Variants in SGMS1 observed in about 807,000 individuals in gnomAD.
SGMS1 encodes sphingomyelin synthase 1.
Under a neutral mutation model 46.2 loss-of-function variants are expected in SGMS1, and 13 were observed. The ratio of observed to expected loss-of-function variants is 0.28; its 90% CI spans 0.18 to 0.45. SGMS1 has a LOEUF of 0.45. SGMS1 is among the 20% of genes least tolerant of loss of function. The probability of loss-of-function intolerance (pLI) is 1.00; values close to 1 mark genes in which losing one functional copy is unlikely to be tolerated. For missense variants in SGMS1, 324 were observed against 519.9 expected (o/e 0.62, Z 3.66); for synonymous variants, 203 against 187.8 (o/e 1.08, Z -0.66).
intron 2 of SGMS1, among the ~76,000 whole-genome samples, chr10:50,525,343 G>A (rs901052478): frequency 6.6e-6 from 1 of 152,148 alleles, no homozygotes. Flanking sequence ...GATTGTGAAG[G>A]TGGGTGTAAA....
chr10:50,333,251 T>C (rs950664194), intron 7 of SGMS1, among the ~76,000 whole-genome samples: 6 of 152,210 alleles, frequency 3.9e-5, no homozygotes, highest in Non-Finnish European at 5.9e-5. Flanking sequence ...TGATGGTACC[T>C]GTAATATGAC....
intron 2 of SGMS1, among the ~76,000 whole-genome samples, chr10:50,565,596 A>G (rs142167992): frequency 3.9e-5 from 6 of 152,322 alleles, no homozygotes; most frequent in African/African-American, 1.4e-4. Flanking sequence ...TAAGCAACAT[A>G]TACGCTCTGA....
chr10:50,436,600 C>T (rs1249620175), intron 5 of SGMS1, among the ~76,000 whole-genome samples: 2 of 152,190 alleles, frequency 1.3e-5, no homozygotes, highest in African/African-American at 4.8e-5. Context: ...ACTTCCTAAT[C>T]GTGCTTCAAA....
At chr10:50,520,599 C>G (rs942728665) in intron 2 of SGMS1, among the ~76,000 whole-genome samples, 1 of 152,154 alleles carries the variant, frequency 6.6e-6, no homozygotes, top group Non-Finnish European at 1.5e-5. Flanking sequence ...GAAATCAGTG[C>G]CCAGCTCTAC....
chr10:50,337,132 G>A (rs1030100874), intron 7 of SGMS1, among the ~76,000 whole-genome samples: 12 of 152,218 alleles, frequency 7.9e-5, no homozygotes, highest in African/African-American at 2.9e-4. Flanking sequence ...TAATATGAGG[G>A]AATTTTGTCC....
rs1292319314 is a variant in SGMS1 at position 50,375,191 on chromosome 10, G to A, written c.-231-30846C>T. Among the ~76,000 whole-genome samples, 8 of 152,288 alleles carry A rather than the reference G, an allele frequency of 5.3e-5. No individual in the cohort carries two copies. In the East Asian group the frequency reaches 1.5e-3, roughly 29 times the overall value. On this transcript the variant is annotated intron_variant, in intron 6 of 10. Transcript: ENST00000361781. ...GGAGAACAGGTTTGGTGGCTGTCTT[G>A]AGGGACTGGTGATGACTACAACATA...
intron 5 of SGMS1, 48 bp from the exon 6 acceptor site, chr10:50,433,604 C>G (rs1295437799): frequency 6.6e-6 from 1 of 152,276 alleles, no homozygotes; most frequent in East Asian, 1.9e-4. Flanking sequence ...TCAGAAAGGC[C>G]ATTTCTTGAT....
intron 6 of SGMS1, among the ~76,000 whole-genome samples, chr10:50,415,422 T>C (rs1849156970): frequency 6.6e-6 from 1 of 152,146 alleles, no homozygotes; most frequent in Non-Finnish European, 1.5e-5. Flanking sequence ...CTTCCCCCTC[T>C]CCATGACTTT....
At chr10:50,526,984 G>A (rs1052831432) in intron 2 of SGMS1, among the ~76,000 whole-genome samples, 4 of 142,778 alleles carry the variant, frequency 2.8e-5, no homozygotes, top group African/African-American at 1.1e-4. Flanking sequence ...AGAATCGCTT[G>A]AACCTGTGAG....
rs1311409744 is a variant in SGMS1, at chr10:50,530,304, C to CCAT, written c.-588-10386_-588-10384dup. On this transcript the variant is annotated intron_variant, in intron 2 of 10. Transcript: ENST00000361781. Reference sequence around the variant, plus strand: ...GATATTTTTCTAAAATTTTCTAACACCATCATTAGCAGCTCATTTCATTAC... The same window carrying CCAT: ...GATATTTTTCTAAAATTTTCTAACACCATCATCATTAGCAGCTCATTTCATTAC... Among the ~76,000 whole-genome samples the CCAT allele has an allele frequency of 7.9e-5, 12 of 152,288 alleles. 1 individual carries two copies. The South Asian group carries it at 2.5e-3, about 32-fold the overall frequency.
intron 6 of SGMS1, among the ~76,000 whole-genome samples, chr10:50,381,745 G>A (rs2133476659): frequency 6.6e-6 from 1 of 152,324 alleles, no homozygotes; most frequent in African/African-American, 2.4e-5. Flanking sequence ...TGCCCACAGT[G>A]GGCTTGGGCA....
intron 1 of SGMS1, among the ~76,000 whole-genome samples, chr10:50,606,764 G>A (rs940086354): frequency 4.6e-5 from 7 of 152,122 alleles, no homozygotes; most frequent in South Asian, 4.1e-4. Flanking sequence ...ACAGCATGAC[G>A]TCAGTGATAT....
intron 8 of SGMS1, among the ~76,000 whole-genome samples, chr10:50,313,881 G>A (rs7923694): frequency 0.015 from 2,269 of 152,178 alleles, 58 homozygotes; most frequent in African/African-American, 0.052. Flanking sequence ...TACCCTTAGA[G>A]ACCCTAAGCT....
intron 3 of SGMS1, among the ~76,000 whole-genome samples, chr10:50,517,256 CA>C (rs1170038549): frequency 3.5e-4 from 53 of 152,104 alleles, no homozygotes; most frequent in Admixed American, 1.4e-3. Context: ...CAGATACTGG[CA>C]ATATCAAATA....
At position 50,316,948 on chromosome 10, in the gene SGMS1, C is replaced by A. The variant is rs138291136; in HGVS notation, c.742-5533G>T. On this transcript the variant is annotated intron_variant, in intron 8 of 10. Coordinates refer to ENST00000361781, the MANE Select transcript of SGMS1 (RefSeq NM_147156.4). ...CATGTAACAGCCCTCCTAACCGTGA[C>A]ACTTAGAACTAGTGAGCTTTTGGCT... Among the ~76,000 whole-genome samples the A allele has an allele frequency of 1.7e-3, 252 of 152,318 alleles. 1 individual carries two copies. Among genetic ancestry groups the A allele is most frequent in the African/African-American group, 5.6e-3 (231 of 41,566 alleles).
intron 6 of SGMS1, among the ~76,000 whole-genome samples, chr10:50,425,158 T>TTAG (rs1159375815): frequency 6.6e-6 from 1 of 152,188 alleles, no homozygotes; most frequent in Admixed American, 6.5e-5. Flanking sequence ...GGAATGTAAA[T>TTAG]TAGTTCAGCC....
At chr10:50,368,368 A>G (rs911335617) in intron 6 of SGMS1, among the ~76,000 whole-genome samples, 7 of 152,028 alleles carry the variant, frequency 4.6e-5, no homozygotes, top group Non-Finnish European at 1.0e-4. Flanking sequence ...TTTATTTTTT[A>G]CTTTTTGAGC....
intron 2 of SGMS1, among the ~76,000 whole-genome samples, chr10:50,552,682 G>A (rs1224211056): frequency 1.3e-5 from 2 of 152,122 alleles, no homozygotes; most frequent in East Asian, 1.9e-4. Flanking sequence ...ATAGTGCCCC[G>A]TCCCCCGCCA....
chr10:50,498,087 A>C (rs1036895992), intron 3 of SGMS1, among the ~76,000 whole-genome samples: 1 of 152,244 alleles, frequency 6.6e-6, no homozygotes, highest in Non-Finnish European at 1.5e-5. Context: ...CAAGATGAAG[A>C]GAACACAGAC....
Sources: allele counts gnomAD v4.1 joint callset (sites outside exome capture counted in the v4.1 genomes callset), GRCh38; gene constraint gnomAD v4.1.1; transcripts MANE v1.5; gene names NCBI Gene and HGNC (gene_info 2026-07-23, HGNC 2026-07-21).